Variants in BCL7C observed in about 807,000 individuals in gnomAD.
BCL7C encodes B-cell CLL/lymphoma 7 protein family member C.
A neutral mutation model predicts 26.2 loss-of-function variants in BCL7C; 8 were observed. That is an observed-to-expected ratio of 0.30 (90% CI 0.18 to 0.55). The LOEUF (loss-of-function observed/expected upper bound fraction) is 0.55. Among genes scored for constraint, BCL7C ranks in the 20% least tolerant of loss-of-function variants. The pLI, the probability that BCL7C is intolerant of heterozygous loss-of-function variation, is 0.93. For missense variants in BCL7C, 262 were observed against 298.5 expected (o/e 0.88, Z 0.90); for synonymous variants, 90 against 116.5 (o/e 0.77, Z 1.47).
At chr16:30,835,117 A>C in exon 6 of BCL7C, 1 of 1,530,028 alleles carries the variant, frequency 6.5e-7, no homozygotes, top group Non-Finnish European at 8.8e-7. Context: ...CTTCTCGTGA[A>C]GGGCTCTCCT....
At position 30,893,996 on chromosome 16, in the gene BCL7C, C is replaced by A. The variant is rs1371387845; in HGVS notation, c.-52G>T. 3 of 1,023,014 alleles carry A rather than the reference C, an allele frequency of 2.9e-6. No individual in the cohort carries two copies. The highest frequency in any genetic ancestry group is 3.7e-6 in the Non-Finnish European group (3 of 819,686). 63.4% of individuals were successfully genotyped at this position (1,023,014 alleles called of 1,614,324 possible). ...GCCCGCGGCGGGGCCGCCTCCCGTC[C>A]GGCGGGCTCAGGCTCCGCGCCAGGC... On this transcript the variant is annotated 5_prime_UTR_variant, in exon 1 of 6. Transcript: ENST00000215115. This position sits in a 1 kb window ranked among gnomAD's most constrained non-coding sequence, Gnocchi z 5.2.
intron 5 of BCL7C, among the ~76,000 whole-genome samples, chr16:30,852,543 G>C (rs527422935): frequency 1.3e-5 from 2 of 148,386 alleles, no homozygotes; most frequent in Non-Finnish European, 3.0e-5. Context: ...CCAGGTTGGA[G>C]TGCAGTATTG....
intron 5 of BCL7C, among the ~76,000 whole-genome samples, chr16:30,857,483 T>C (rs181554405): frequency 1.6e-4 from 24 of 152,120 alleles, no homozygotes; most frequent in Non-Finnish European, 2.9e-4. Flanking sequence ...GAAACAGAGC[T>C]TTTGTTGAGG....
At chr16:30,836,270 C>A (rs1475308024) in intron 5 of BCL7C, among the ~76,000 whole-genome samples, 1 of 151,626 alleles carries the variant, frequency 6.6e-6, no homozygotes, top group African/African-American at 2.4e-5. Context: ...AAAACAAAAC[C>A]AAAAAGCCCA....
intron 4 of BCL7C, among the ~76,000 whole-genome samples, chr16:30,891,302 A>C (rs1198635268): frequency 6.6e-6 from 1 of 151,964 alleles, no homozygotes; most frequent in Non-Finnish European, 1.5e-5. Context: ...AACTCTACTA[A>C]AAATACAAAA....
At chr16:30,836,700 T>C (rs2054571551) in intron 5 of BCL7C, among the ~76,000 whole-genome samples, 1 of 151,992 alleles carries the variant, frequency 6.6e-6, no homozygotes, top group Non-Finnish European at 1.5e-5. Context: ...GGTCTTGAAT[T>C]TCTGGGCTCA....
chr16:30,883,357 T>G (rs1339359940), downstream of BCL7C, among the ~76,000 whole-genome samples: 1 of 151,976 alleles, frequency 6.6e-6, no homozygotes, highest in African/African-American at 2.4e-5. Flanking sequence ...CCATGTTCAC[T>G]GTTTTTTTTA....
In BCL7C at chr16:30,888,625, A is replaced by G. The variant is rs113428907; in HGVS notation, c.528+235T>C. 1,891 of 363,754 alleles carry G rather than the reference A, an allele frequency of 5.2e-3. 31 individuals carry two copies. The highest frequency in any genetic ancestry group is 0.033 in the African/African-American group (1,566 of 47,292). 22.5% of individuals were successfully genotyped at this position (363,754 alleles called of 1,614,324 possible). On this transcript the variant is annotated intron_variant, in intron 5 of 5. Coordinates refer to ENST00000215115, the MANE Select transcript of BCL7C (RefSeq NM_004765.4). Reference sequence around the variant, plus strand: ...GCTGGGATTACAGGCGTGAGCCACCACGCCCAGCTTTGTCAGGCTTTTAAT... The same window carrying G: ...GCTGGGATTACAGGCGTGAGCCACCGCGCCCAGCTTTGTCAGGCTTTTAAT...
intron 5 of BCL7C, among the ~76,000 whole-genome samples, chr16:30,854,330 C>G (rs1877042377): frequency 6.6e-6 from 1 of 152,170 alleles, no homozygotes; most frequent in South Asian, 2.1e-4. Context: ...TTCAGGATTG[C>G]ATCTTGGAAG....
intron 5 of BCL7C, chr16:30,875,622 GATCTTAAGATACAGACATTAAA>G (rs1342178298): frequency 6.6e-6 from 1 of 152,246 alleles, no homozygotes; most frequent in Non-Finnish European, 1.5e-5. Context: ...GCCCTCACCA[GATCTTAAGATACAGACATTAAA>G]ACCTCCACCG....
At chr16:30,889,486 G>GTGTT (rs921087977) in intron 4 of BCL7C, among the ~76,000 whole-genome samples, 9 of 152,046 alleles carry the variant, frequency 5.9e-5, no homozygotes, top group Non-Finnish European at 1.2e-4. Context: ...TTCTTTTTGT[G>GTGTT]TGTTTGTTTG....
downstream of BCL7C, among the ~76,000 whole-genome samples, chr16:30,885,681 G>A (rs2055122014): frequency 6.6e-6 from 1 of 152,130 alleles, no homozygotes; most frequent in Non-Finnish European, 1.5e-5. Context: ...TGGGATTATA[G>A]GCATGAGCCA....
chr16:30,872,657 C>T (rs934485925), intron 5 of BCL7C, among the ~76,000 whole-genome samples: 45 of 152,082 alleles, frequency 3.0e-4, no homozygotes, highest in African/African-American at 9.7e-4. Flanking sequence ...GCCTGGTGCC[C>T]GCATGTTTTG....
At chr16:30,881,392 T>TCTCACACACACACACACA (rs1299784044) in intron 5 of BCL7C, among the ~76,000 whole-genome samples, 1 of 144,126 alleles carries the variant, frequency 6.9e-6, no homozygotes, top group African/African-American at 2.6e-5. Context: ...TGAGACTCCG[T>TCTCACACACACACACACA]CACACACACA....
downstream of BCL7C, among the ~76,000 whole-genome samples, chr16:30,884,231 A>C (rs1165594848): frequency 6.6e-6 from 1 of 151,720 alleles, no homozygotes; most frequent in East Asian, 1.9e-4. Context: ...GAGAGTCAAG[A>C]ATGGGGGAGA....
chr16:30,850,954 G>A (rs1439087361), intron 5 of BCL7C, among the ~76,000 whole-genome samples: 2 of 152,142 alleles, frequency 1.3e-5, no homozygotes, highest in South Asian at 2.1e-4. Flanking sequence ...TTGCGGTTTC[G>A]CACCATGAAT....
chr16:30,834,883 T>C lies in BCL7C; in HGVS notation c.*65A>G, dbSNP rs897862959. On this transcript the variant is annotated 3_prime_UTR_variant, in exon 6 of 6. Transcript: ENST00000380317. The surrounding 1 kb of genome is among the most constrained non-coding windows in gnomAD (Gnocchi z 4.3). ...GCTCTTTCCGCCCTCGGGGCACAGG[T>C]AGTGGCTGGATCTTGGGGCAGCCAA... 66 of 1,407,672 alleles carry C rather than the reference T, an allele frequency of 4.7e-5. No homozygotes were observed. The highest frequency in any genetic ancestry group is 5.8e-5 in the Non-Finnish European group (62 of 1,060,338). 87.2% of individuals were successfully genotyped at this position (1,407,672 alleles called of 1,614,324 possible). A position where few individuals can be genotyped will look rare whatever the true frequency, so the allele number is the denominator to read the frequency against.
intron 5 of BCL7C, chr16:30,875,121 G>A: frequency 6.5e-6 from 1 of 154,280 alleles, no homozygotes; most frequent in Non-Finnish European, 1.5e-5. Context: ...CCCCCAGCTC[G>A]CCCGGGATCC....
At chr16:30,876,435 G>T (rs1406531520) in intron 5 of BCL7C, among the ~76,000 whole-genome samples, 1 of 152,188 alleles carries the variant, frequency 6.6e-6, no homozygotes, top group Non-Finnish European at 1.5e-5. Flanking sequence ...AACCAGAAAA[G>T]GATTAGGATT....
Sources: allele counts gnomAD v4.1 joint callset (sites outside exome capture counted in the v4.1 genomes callset), GRCh38; gene constraint gnomAD v4.1.1; non-coding constraint Gnocchi (gnomAD v3.1); transcripts MANE v1.5; gene names NCBI Gene and HGNC (gene_info 2026-07-23, HGNC 2026-07-21).